GOLM2: variants seen among roughly 807,000 people sequenced by gnomAD.
The protein encoded by GOLM2 is golgi membrane protein 2.
A neutral mutation model predicts 55.9 loss-of-function variants in GOLM2; 26 were observed. That is an observed-to-expected ratio of 0.47 (90% CI 0.34 to 0.65). The LOEUF is 0.65. GOLM2 is among the 30% of genes least tolerant of loss of function. The probability of loss-of-function intolerance (pLI) is 0.01; values close to 1 mark genes in which losing one functional copy is unlikely to be tolerated. For missense variants in GOLM2, 486 were observed against 531.8 expected (o/e 0.91, Z 0.85); for synonymous variants, 165 against 194.6 (o/e 0.85, Z 1.27).
chr15:44,401,698 T>C (rs1333335897), intron 8 of GOLM2, among the ~76,000 whole-genome samples: 1 of 152,258 alleles, frequency 6.6e-6, no homozygotes, highest in African/African-American at 2.4e-5. Flanking sequence ...TTAAACTTAA[T>C]GTCTAAATAT....
intron 6 of GOLM2, among the ~76,000 whole-genome samples, chr15:44,370,080 GT>G (rs1182683888): frequency 3.3e-5 from 5 of 152,042 alleles, no homozygotes; most frequent in Middle Eastern, 3.2e-3. Flanking sequence ...ACCTTTTCTC[GT>G]TTTTCTGCCT....
intron 6 of GOLM2, among the ~76,000 whole-genome samples, chr15:44,357,613 T>C (rs932682699): frequency 1.3e-5 from 2 of 152,178 alleles, no homozygotes; most frequent in African/African-American, 4.8e-5. Context: ...TAAAACTCTC[T>C]TTGTTCACAG....
chr15:44,374,485 T>C (rs937962810), intron 6 of GOLM2, among the ~76,000 whole-genome samples: 1 of 151,846 alleles, frequency 6.6e-6, no homozygotes, highest in African/African-American at 2.4e-5. Context: ...CCCATCTTTG[T>C]TTTTGTTTTA....
intron 6 of GOLM2, among the ~76,000 whole-genome samples, chr15:44,371,080 C>T (rs1440611446): frequency 1.3e-5 from 2 of 152,142 alleles, no homozygotes; most frequent in Non-Finnish European, 2.9e-5. Context: ...AGGAAATCCC[C>T]ATATAGATTT....
intron 1 of GOLM2, among the ~76,000 whole-genome samples, chr15:44,321,949 C>T (rs2078953371): frequency 6.6e-6 from 1 of 152,058 alleles, no homozygotes; most frequent in Non-Finnish European, 1.5e-5. Context: ...GTCTCAGCTA[C>T]TTGAGAGCCT....
Position 44,289,288 on chromosome 15 carries a change from G to T in GOLM2, c.259G>T (p.Asp87Tyr). ...HKKQIDQKEADYGRLSSRLQA... is the reference protein window; with the variant it reads ...HKKQIDQKEAYYGRLSSRLQA... ...GAAACAGATCGACCAGAAGGAGGCCGACTACGGCCGCCTCAGCAGCCGGCT... is the reference window on the plus strand; with the variant it reads ...GAAACAGATCGACCAGAAGGAGGCCTACTACGGCCGCCTCAGCAGCCGGCT... Residue 87 changes from aspartate to tyrosine, a missense_variant, in exon 1 of 10, where the codon GAC (aspartate) becomes TAC (tyrosine). Asp to Tyr is a radical substitution (Grantham distance 160). Coordinates refer to ENST00000299957, the MANE Select transcript of GOLM2 (RefSeq NM_138423.4). This position sits in a 1 kb window ranked among gnomAD's most constrained non-coding sequence, Gnocchi z 4.8. The T allele has an allele frequency of 6.2e-7, 1 of 1,613,228 alleles. No homozygotes were observed. The highest frequency in any genetic ancestry group is 1.3e-5 in the African/African-American group (1 of 75,058).
At chr15:44,367,369 C>T (rs1031965003) in intron 6 of GOLM2, among the ~76,000 whole-genome samples, 5 of 152,134 alleles carry the variant, frequency 3.3e-5, no homozygotes, top group African/African-American at 1.2e-4. Context: ...TCTTGAAGTG[C>T]AGGTCTTCTA....
intron 1 of GOLM2, among the ~76,000 whole-genome samples, chr15:44,317,752 G>A (rs2078920950): frequency 1.3e-5 from 2 of 152,060 alleles, no homozygotes; most frequent in Admixed American, 1.3e-4. Context: ...AAATCAATAG[G>A]TCAAAATCTC....
At chr15:44,353,781 G>C (rs1410889750) in intron 6 of GOLM2, among the ~76,000 whole-genome samples, 1 of 152,172 alleles carries the variant, frequency 6.6e-6, no homozygotes, top group East Asian at 1.9e-4. Context: ...ACCAGAGGCT[G>C]TGAAGCTTAT....
intron 6 of GOLM2, among the ~76,000 whole-genome samples, chr15:44,339,731 C>T (rs948817380): frequency 1.3e-5 from 2 of 152,042 alleles, no homozygotes; most frequent in Admixed American, 6.6e-5. Flanking sequence ...ATCTCCTGGG[C>T]GCAAGCTATC....
At chr15:44,299,355 C>T (rs964694605) in intron 1 of GOLM2, among the ~76,000 whole-genome samples, 4 of 151,278 alleles carry the variant, frequency 2.6e-5, no homozygotes, top group Admixed American at 6.6e-5. Context: ...TGCAGTGGCG[C>T]GATCTCAGCT....
At chr15:44,333,531 G>A (rs1331330416) in intron 4 of GOLM2, among the ~76,000 whole-genome samples, 1 of 152,156 alleles carries the variant, frequency 6.6e-6, no homozygotes, top group Non-Finnish European at 1.5e-5. Flanking sequence ...ATGGATTGGT[G>A]GACGAAGGCA....
At chr15:44,291,488 G>A (rs1459779509) in intron 1 of GOLM2, among the ~76,000 whole-genome samples, 1 of 152,034 alleles carries the variant, frequency 6.6e-6, no homozygotes, top group Non-Finnish European at 1.5e-5. Context: ...ATCTTAAAAT[G>A]TCTGCCATCT....
chr15:44,384,746 CAA>C (rs879330903), intron 8 of GOLM2, among the ~76,000 whole-genome samples: 1 of 103,758 alleles, frequency 9.6e-6, no homozygotes, highest in African/African-American at 3.7e-5. Context: ...GACTCCATCT[CAA>C]AAAAAAAAAA....
intron 6 of GOLM2, among the ~76,000 whole-genome samples, chr15:44,343,655 G>A (rs1466962053): frequency 1.3e-5 from 2 of 150,904 alleles, no homozygotes; most frequent in African/African-American, 2.4e-5. Context: ...GTGAAACCCC[G>A]TCTGTACTAA....
chr15:44,343,836 AAAG>A (rs1038151389), intron 6 of GOLM2, among the ~76,000 whole-genome samples: 4 of 151,864 alleles, frequency 2.6e-5, no homozygotes, highest in Non-Finnish European at 4.4e-5. Context: ...AAAAAAAAAA[AAAG>A]AAAAAAATAT....
chr15:44,323,857 TGTA>T (rs2078966511), intron 2 of GOLM2, among the ~76,000 whole-genome samples: 2 of 152,212 alleles, frequency 1.3e-5, no homozygotes, highest in Non-Finnish European at 2.9e-5. Context: ...GGCTTTGTAA[TGTA>T]GTAAAATTTT....
intron 6 of GOLM2, among the ~76,000 whole-genome samples, chr15:44,351,764 G>A (rs2079166825): frequency 6.6e-6 from 1 of 151,926 alleles, no homozygotes; most frequent in African/African-American, 2.4e-5. Context: ...GAAATCAGTA[G>A]CATTTCTATA....
intron 4 of GOLM2, 36 bp from the exon 5 acceptor site, chr15:44,337,727 A>T (rs370361227): frequency 4.0e-6 from 6 of 1,496,632 alleles, no homozygotes; most frequent in Non-Finnish European, 5.4e-6. Context: ...TAACAATTTG[A>T]ACTGAAAAAT....
Sources: gnomAD v4.1 joint callset for allele counts (sites outside exome capture counted in the v4.1 genomes callset) on GRCh38, gnomAD v4.1.1 for gene constraint, Gnocchi (gnomAD v3.1) non-coding constraint, MANE v1.5 for transcripts, NCBI Gene and HGNC (gene_info 2026-07-23, HGNC 2026-07-21) for gene names.